MAF: variants seen among roughly 807,000 people sequenced by gnomAD.
MAF encodes the protein MAF bZIP transcription factor.
Under a neutral mutation model 22.0 loss-of-function variants are expected in MAF, and 10 were observed. The ratio of observed to expected loss-of-function variants is 0.45; its 90% CI spans 0.28 to 0.77. MAF has a LOEUF of 0.77. Among genes scored for constraint, MAF ranks in the 30% least tolerant of loss-of-function variants. The probability of loss-of-function intolerance (pLI) is 0.12; values close to 1 mark genes in which losing one functional copy is unlikely to be tolerated. For synonymous variants in MAF, 337 were observed against 255.8 expected, an observed-to-expected ratio of 1.32 and a Z score of -3.03; for missense variants, 544 against 548.4, an observed-to-expected ratio of 0.99 and a Z score of 0.08.
chr16:79,476,406 C>T, the MAF span, among the ~76,000 whole-genome samples: 1 of 152,178 alleles, frequency 6.6e-6, no homozygotes, highest in African/African-American at 2.4e-5. Flanking sequence ...GCAACTGATA[C>T]AATACTTTAC....
the MAF span, among the ~76,000 whole-genome samples, chr16:79,354,046 A>G: frequency 6.6e-6 from 1 of 152,034 alleles, no homozygotes; most frequent in Non-Finnish European, 1.5e-5. Context: ...CCCAGGCTGG[A>G]GTGCAGTGGT....
chr16:79,575,491 G>T, the MAF span, among the ~76,000 whole-genome samples: 2 of 152,284 alleles, frequency 1.3e-5, no homozygotes, highest in African/African-American at 4.8e-5. Context: ...TGACCAAGAG[G>T]AGCCAATCAG....
At chr16:79,230,335 G>C in the MAF span, among the ~76,000 whole-genome samples, 1 of 152,124 alleles carries the variant, frequency 6.6e-6, no homozygotes, top group Non-Finnish European at 1.5e-5. Flanking sequence ...ATGTACAGGA[G>C]GTGTGACCAA....
chr16:79,334,187 G>T, the MAF span, among the ~76,000 whole-genome samples: 3 of 152,348 alleles, frequency 2.0e-5, no homozygotes, highest in East Asian at 5.8e-4. Context: ...GAGAACAGAA[G>T]ACAACCCAAG....
At chr16:79,249,908 C>A in the MAF span, among the ~76,000 whole-genome samples, 1 of 152,254 alleles carries the variant, frequency 6.6e-6, no homozygotes, top group Non-Finnish European at 1.5e-5. Flanking sequence ...TAGCCCAGTG[C>A]CTGATGCAAA....
the MAF span, among the ~76,000 whole-genome samples, chr16:79,333,144 T>C: frequency 6.6e-6 from 1 of 152,210 alleles, no homozygotes; most frequent in East Asian, 1.9e-4. Flanking sequence ...GGATTTCCCA[T>C]CTCAGCGGGT....
the MAF span, among the ~76,000 whole-genome samples, chr16:79,444,451 G>C: frequency 2.0e-5 from 3 of 152,110 alleles, no homozygotes; most frequent in Admixed American, 1.3e-4. Context: ...GAATTATATA[G>C]CCTTGGGCAA....
chr16:79,340,524 C>G, the MAF span, among the ~76,000 whole-genome samples: 1 of 151,574 alleles, frequency 6.6e-6, no homozygotes. Context: ...GACAGAAAAA[C>G]AGCCAACAGC....
the MAF span, among the ~76,000 whole-genome samples, chr16:79,444,678 C>T: frequency 6.6e-6 from 1 of 152,198 alleles, no homozygotes; most frequent in Non-Finnish European, 1.5e-5. Context: ...AGGCCTCGTC[C>T]CTTGGACACC....
Position 79,600,021 on chromosome 16 carries a change from A to G in MAF, c.-119T>C. 2 of 1,436,436 alleles carry G rather than the reference A, an allele frequency of 1.4e-6. No homozygotes were observed. The highest frequency in any genetic ancestry group is 2.4e-5 in the South Asian group (2 of 82,634). The allele number at this position is 1,436,436 out of a possible 1,614,324, so 89.0% of individuals were successfully genotyped here. A position where few individuals can be genotyped will look rare whatever the true frequency, so the allele number is the denominator to read the frequency against. On this transcript the variant is annotated 5_prime_UTR_variant, in exon 1 of 2. Coordinates refer to ENST00000326043, the MANE Select transcript of MAF (RefSeq NM_005360.5). Reference sequence around the variant, plus strand: ...CAGCTTGCCGGGCTGGGGCGCTTCTAGCTTGCGCGGCGGTGGCTGGCCCGA... The same window carrying G: ...CAGCTTGCCGGGCTGGGGCGCTTCTGGCTTGCGCGGCGGTGGCTGGCCCGA...
chr16:79,432,317 T>C, the MAF span, among the ~76,000 whole-genome samples: 1 of 152,212 alleles, frequency 6.6e-6, no homozygotes, highest in South Asian at 2.1e-4. Flanking sequence ...GAGACCTCTT[T>C]ATCAATTACT....
Position 79,598,978 on chromosome 16 carries a change from T to G in MAF, c.925A>C (p.Arg309=), listed in dbSNP as rs1197186823. 3.1e-6 allele frequency: 5 copies of G among 1,613,566 alleles called. No individual in the cohort carries two copies. In the African/African-American group the frequency reaches 6.7e-5, roughly 22 times the overall value. ...RGYAQSCRFK[R]VQQRHVLESE... ...TCCAGGACGTGTCTCTGCTGCACCC[T>G]CTTGAAGCGGCAGGACTGGGCATAG... The change falls in exon 1 of 2, where the codon AGG becomes CGG. Residue 309 remains arginine (R), a synonymous_variant. Coordinates refer to ENST00000326043, the MANE Select transcript of MAF (RefSeq NM_005360.5).
chr16:79,564,241 G>C, the MAF span, among the ~76,000 whole-genome samples: 3 of 152,314 alleles, frequency 2.0e-5, no homozygotes, highest in East Asian at 1.9e-4. Context: ...AGGAGAAGAC[G>C]GAAGGAGTAT....
At chr16:79,522,039 G>C in the MAF span, among the ~76,000 whole-genome samples, 8 of 152,186 alleles carry the variant, frequency 5.3e-5, no homozygotes, top group East Asian at 1.3e-3. Context: ...AGAGGTGTCA[G>C]CTCAGAGTGT....
chr16:79,288,315 C>T, the MAF span, among the ~76,000 whole-genome samples: 1 of 152,182 alleles, frequency 6.6e-6, no homozygotes, highest in South Asian at 2.1e-4. Flanking sequence ...TATTTCAAGG[C>T]AGTTTCTATT....
chr16:79,320,081 T>G, the MAF span, among the ~76,000 whole-genome samples: 1 of 152,128 alleles, frequency 6.6e-6, no homozygotes, highest in Non-Finnish European at 1.5e-5. Context: ...AAGGCCAGTG[T>G]TGAGGCTTAC....
the MAF span, among the ~76,000 whole-genome samples, chr16:79,436,871 G>A: frequency 2.8e-3 from 427 of 152,292 alleles, 2 homozygotes; most frequent in Non-Finnish European, 3.1e-3. Context: ...CAGGCTCGAC[G>A]CTGCAACACT....
At chr16:79,378,902 G>C in the MAF span, among the ~76,000 whole-genome samples, 6 of 152,158 alleles carry the variant, frequency 3.9e-5, no homozygotes, top group Admixed American at 3.9e-4. Flanking sequence ...CAGAAATTAA[G>C]TTACTGGGCC....
chr16:79,455,468 C>T, the MAF span, among the ~76,000 whole-genome samples: 2 of 152,234 alleles, frequency 1.3e-5, no homozygotes, highest in Non-Finnish European at 2.9e-5. Flanking sequence ...TACATTATCT[C>T]GGGTTTGGAG....
Sources: allele counts gnomAD v4.1 joint callset (sites outside exome capture counted in the v4.1 genomes callset), GRCh38; gene constraint gnomAD v4.1.1; transcripts MANE v1.5; gene names NCBI Gene and HGNC (gene_info 2026-07-23, HGNC 2026-07-21).